Variants in RGS7 observed in about 807,000 individuals in gnomAD.
The protein encoded by RGS7 is regulator of G-protein signaling 7.
In RGS7, 27 loss-of-function variants were observed where a neutral mutation model predicts 81.1. The ratio of observed to expected loss-of-function variants is 0.33; its 90% CI spans 0.25 to 0.46. The LOEUF is 0.46. Ranked by LOEUF, RGS7 falls within the 20% of genes least tolerant of loss-of-function variation. The pLI is 1.00. For synonymous variants in RGS7, 208 were observed against 207.7 expected (o/e 1.00, Z -0.01); for missense variants, 396 against 607.4 (o/e 0.65, Z 3.66).
chr1:241,127,409 G>A (rs567869399), intron 2 of RGS7, among the ~76,000 whole-genome samples: 1 of 152,150 alleles, frequency 6.6e-6, no homozygotes, highest in South Asian at 2.1e-4. Flanking sequence ...ATCCCTACTC[G>A]ACAGCCATCA....
chr1:241,135,359 G>A lies in RGS7; in HGVS notation c.79-36597C>T, dbSNP rs370571060. 6.4e-3 allele frequency among the ~76,000 whole-genome samples: 973 copies of A among 152,184 alleles called. 6 individuals carry two copies. The highest frequency in any genetic ancestry group is 0.022 in the African/African-American group (910 of 41,552). On this transcript the variant is annotated intron_variant, in intron 2 of 18. Coordinates refer to ENST00000440928, the MANE Select transcript of RGS7 (RefSeq NM_001364886.1). Reference sequence around the variant, plus strand: ...GGAGAATGGCGTGAACCCGGGAGGCGGAGCTTGCAGTGAGCCGAGATCGCG... The same window carrying A: ...GGAGAATGGCGTGAACCCGGGAGGCAGAGCTTGCAGTGAGCCGAGATCGCG...
At chr1:240,832,563 A>C (rs564233271) in intron 9 of RGS7, among the ~76,000 whole-genome samples, 5 of 152,322 alleles carry the variant, frequency 3.3e-5, no homozygotes, top group Admixed American at 1.3e-4. Flanking sequence ...ATTTTAAGTA[A>C]AAGCATCTAA....
intron 9 of RGS7, among the ~76,000 whole-genome samples, chr1:240,867,628 G>A (rs908354996): frequency 3.3e-5 from 5 of 152,192 alleles, no homozygotes; most frequent in Non-Finnish European, 5.9e-5. Flanking sequence ...TTAAAAGTGT[G>A]AGCTGATTTG....
At chr1:240,816,668 C>T (rs920530253) in intron 10 of RGS7, among the ~76,000 whole-genome samples, 4 of 152,092 alleles carry the variant, frequency 2.6e-5, no homozygotes, top group African/African-American at 9.7e-5. Context: ...GAGCAAGGTG[C>T]ATGTGATAAA....
intron 2 of RGS7, among the ~76,000 whole-genome samples, chr1:241,221,034 GA>G (rs1438313538): frequency 1.0e-5 from 1 of 97,602 alleles, no homozygotes; most frequent in African/African-American, 3.6e-5. Flanking sequence ...AGGAAGGAAG[GA>G]AGGAAAAGAA....
intron 3 of RGS7, among the ~76,000 whole-genome samples, chr1:241,051,748 ATAACGGCTAAC>A: frequency 6.6e-6 from 1 of 152,330 alleles, no homozygotes; most frequent in East Asian, 1.9e-4. Flanking sequence ...GCATCAACAG[ATAACGGCTAAC>A]TTGCATTGAG....
At chr1:240,953,899 T>C (rs1033364076) in intron 4 of RGS7, among the ~76,000 whole-genome samples, 4 of 151,970 alleles carry the variant, frequency 2.6e-5, no homozygotes, top group Non-Finnish European at 5.9e-5. Flanking sequence ...AAATTACCAA[T>C]ATCAGAAATC....
In RGS7 at chr1:241,333,428, G is replaced by A. The variant is rs372971797; in HGVS notation, c.78+22271C>T. ...AAATGACATCTAGATAAGGCCAGGC[G>A]GATAAGAAGAGACTTCAGCTGGGAC... On this transcript the variant is annotated intron_variant, in intron 2 of 18. Transcript: ENST00000440928. 6.8e-4 allele frequency among the ~76,000 whole-genome samples: 103 copies of A among 152,302 alleles called. 1 individual carries two copies. The South Asian group carries it at 9.1e-3, about 13-fold the overall frequency.
chr1:240,853,037 A>C, intron 9 of RGS7, among the ~76,000 whole-genome samples: 1 of 152,248 alleles, frequency 6.6e-6, no homozygotes, highest in Admixed American at 6.5e-5. Context: ...AATTACATAA[A>C]TCTTTTCAAG....
chr1:241,038,564 A>C (rs1448871225), intron 3 of RGS7, among the ~76,000 whole-genome samples: 1 of 152,220 alleles, frequency 6.6e-6, no homozygotes. Flanking sequence ...CAAACATCAG[A>C]AATTCCTAAG....
chr1:241,328,756 T>C (rs147776772), intron 2 of RGS7, among the ~76,000 whole-genome samples: 42 of 152,334 alleles, frequency 2.8e-4, no homozygotes, highest in Admixed American at 1.1e-3. Flanking sequence ...CACAGTTTCT[T>C]AAGGCTTGTG....
chr1:240,879,060 A>G (rs761990243), intron 6 of RGS7, among the ~76,000 whole-genome samples: 13 of 152,190 alleles, frequency 8.5e-5, no homozygotes, highest in Non-Finnish European at 1.8e-4. Context: ...GTCCCATAAT[A>G]CTTGTCCAGT....
At chr1:240,941,946 C>T (rs1349850863) in intron 4 of RGS7, among the ~76,000 whole-genome samples, 2 of 151,472 alleles carry the variant, frequency 1.3e-5, no homozygotes, top group Admixed American at 1.3e-4. Context: ...ATGTGTTATT[C>T]TCTTCACCCA....
At chr1:241,168,505 C>T (rs1416937191) in intron 2 of RGS7, among the ~76,000 whole-genome samples, 7 of 152,080 alleles carry the variant, frequency 4.6e-5, no homozygotes, top group Admixed American at 2.0e-4. Context: ...CTCCTCCCCT[C>T]GAGTGTGTGC....
chr1:241,217,012 A>G (rs1170405084), intron 2 of RGS7, among the ~76,000 whole-genome samples: 1 of 152,258 alleles, frequency 6.6e-6, no homozygotes, highest in Non-Finnish European at 1.5e-5. Context: ...TTGGTGTTGT[A>G]GAATGAACAT....
At chr1:241,202,705 ACAGT>A (rs1223784471) in intron 2 of RGS7, among the ~76,000 whole-genome samples, 2 of 152,208 alleles carry the variant, frequency 1.3e-5, no homozygotes, top group Non-Finnish European at 2.9e-5. Context: ...GTTATGACCT[ACAGT>A]CAAACAAGTC....
At chr1:240,809,611 C>T (rs143497508) in intron 14 of RGS7, among the ~76,000 whole-genome samples, 12 of 152,242 alleles carry the variant, frequency 7.9e-5, no homozygotes, top group East Asian at 1.9e-4. Flanking sequence ...TCCTCAGCCA[C>T]GCTTTTCTCA....
intron 3 of RGS7, among the ~76,000 whole-genome samples, chr1:241,028,651 C>G (rs972936012): frequency 1.3e-5 from 2 of 152,110 alleles, no homozygotes; most frequent in African/African-American, 4.8e-5. Context: ...GCAGGCAGAG[C>G]AATGGAGATC....
chr1:241,164,583 A>T lies in RGS7; in HGVS notation c.79-65821T>A, dbSNP rs1292230744. Among the ~76,000 whole-genome samples the T allele has an allele frequency of 1.3e-5, 2 of 152,168 alleles. No individual in the cohort carries two copies. The highest frequency in any genetic ancestry group is 3.8e-4 in the East Asian group (2 of 5,196). On this transcript the variant is annotated intron_variant, in intron 2 of 18. Transcript: ENST00000440928. This position sits in a 1 kb window ranked among gnomAD's most constrained non-coding sequence, Gnocchi z 4.1. ...AATATATATTCTACAATATCACAGG[A>T]GTCCTTGACCAAACTAGATAGGCCA... is the stretch of plus-strand genomic sequence containing the variant.
Sources: allele counts gnomAD v4.1 joint callset (sites outside exome capture counted in the v4.1 genomes callset), GRCh38; gene constraint gnomAD v4.1.1; non-coding constraint Gnocchi (gnomAD v3.1); transcripts MANE v1.5; gene names NCBI Gene and HGNC (gene_info 2026-07-23, HGNC 2026-07-21).